The following UBXN10 variants were observed in gnomAD, a reference collection of about 807,000 sequenced individuals.
UBXN10 encodes the protein UBX domain-containing protein 10.
UBXN10 carries 6 observed loss-of-function variants against 6.9 expected under a neutral mutation model. The observed-to-expected ratio is 0.87, with a 90% CI of 0.48 to 1.72. UBXN10 has a LOEUF of 1.72. UBXN10 is among the 40% of genes most tolerant of loss of function. UBXN10 has a pLI of 0.01. For missense variants in UBXN10, 317 were observed against 348.4 expected, an observed-to-expected ratio of 0.91 and a Z score of 0.72; for synonymous variants, 131 against 135.2, an observed-to-expected ratio of 0.97 and a Z score of 0.21.
chr1:20,190,423 TG>T, intron 1 of UBXN10, 123 bp from the exon 2 acceptor site: 1 of 1,238,262 alleles, frequency 8.1e-7, no homozygotes, highest in Non-Finnish European at 1.1e-6. Context: ...AAATTGCAGC[TG>T]GTGCCCCTTA....
In UBXN10 at chr1:20,195,193, A is replaced by C. The variant is rs1031344134; in HGVS notation, c.*3789A>C. On this transcript the variant is annotated 3_prime_UTR_variant, in exon 2 of 2. Transcript: ENST00000375099. Reference sequence around the variant, plus strand: ...CATCTGTGTGCCTTTATGTTCAAACAGTTTAGGAAGCAGCAGCCCTCCTAA... The same window carrying C: ...CATCTGTGTGCCTTTATGTTCAAACCGTTTAGGAAGCAGCAGCCCTCCTAA... 1 of 167,244 alleles carries C rather than the reference A, an allele frequency of 6.0e-6. No homozygotes were observed. The allele number at this position is 167,244 out of a possible 1,614,324, so 10.4% of individuals were successfully genotyped here. A position where few individuals can be genotyped will look rare whatever the true frequency, so the allele number is the denominator to read the frequency against.
chr1:20,184,626 T>C (rs898954680), upstream of UBXN10: 2 of 152,144 alleles, frequency 1.3e-5, no homozygotes, highest in African/African-American at 4.8e-5. Context: ...GCAATTCACC[T>C]TGGAGAGAAT....
intron 1 of UBXN10, 69 bp from the exon 2 acceptor site, chr1:20,190,478 G>C: frequency 6.6e-7 from 1 of 1,509,980 alleles, no homozygotes. Flanking sequence ...CTCAGGGAGG[G>C]AATGGCTTGG....
rs2100741159 is a variant in UBXN10 at position 20,195,396 on chromosome 1, T to TG, written c.*3994dup. ...CGTGTTGAGGGGCTGGGGTGGAAGATGGAAGACTTGAGTGCTGGAGGTATG... is the reference window on the plus strand; with the variant it reads ...CGTGTTGAGGGGCTGGGGTGGAAGATGGGAAGACTTGAGTGCTGGAGGTATG... On this transcript the variant is annotated 3_prime_UTR_variant, in exon 2 of 2. Transcript: ENST00000375099. 6.0e-6 allele frequency: 1 copy of TG among 167,652 alleles called. No homozygotes were observed. Among genetic ancestry groups the TG allele is most frequent in the Admixed American group, 6.5e-5 (1 of 15,310 alleles). The allele number at this position is 167,652 out of a possible 1,614,324, so 10.4% of individuals were successfully genotyped here. A position where few individuals can be genotyped will look rare whatever the true frequency, so the allele number is the denominator to read the frequency against.
upstream of UBXN10, among the ~76,000 whole-genome samples, chr1:20,183,376 G>A (rs1006669543): frequency 7.2e-5 from 11 of 152,234 alleles, no homozygotes; most frequent in East Asian, 1.9e-4. Flanking sequence ...TAAGGGCCAT[G>A]GGGGAACACG....
In UBXN10 at chr1:20,192,192, T is replaced by A. The variant is rs1238096535; in HGVS notation, c.*788T>A. On this transcript the variant is annotated 3_prime_UTR_variant, in exon 2 of 2. Transcript: ENST00000375099. ...AGTGCAGTCTGATTTCTTTTGCTTT[T>A]GTCAGTAATGGAATCTTTTGTTTTT... 1 of 167,126 alleles carries A rather than the reference T, an allele frequency of 6.0e-6. No individual in the cohort carries two copies. The highest frequency in any genetic ancestry group is 1.5e-5 in the Non-Finnish European group (1 of 68,128). The allele number at this position is 167,126 out of a possible 1,614,324, so 10.4% of individuals were successfully genotyped here.
rs1432438958 is a variant in UBXN10, at chr1:20,195,633, C to T, written c.*4229C>T. The T allele has an allele frequency of 1.2e-5, 2 of 167,076 alleles. No individual in the cohort carries two copies. The highest frequency in any genetic ancestry group is 2.4e-5 in the African/African-American group (1 of 41,448). The allele number at this position is 167,076 out of a possible 1,614,324, so 10.3% of individuals were successfully genotyped here. ...AAAACAAACAAGCAAACAACCACCA[C>T]GGCAGCAAAGCACATGGCAGGCAGG... On this transcript the variant is annotated 3_prime_UTR_variant, in exon 2 of 2. Coordinates refer to ENST00000375099, the MANE Select transcript of UBXN10 (RefSeq NM_152376.5).
rs757626931 is a variant in UBXN10, at chr1:20,191,394, G to A, written c.833G>A (p.Gly278Glu). 3.1e-6 allele frequency: 5 copies of A among 1,608,878 alleles called. No individual in the cohort carries two copies. The highest frequency in any genetic ancestry group is 4.3e-6 in the Non-Finnish European group (5 of 1,175,854). The change falls in exon 2 of 2, where the codon GGG (glycine) becomes GAG (glutamate). Residue 278 changes from glycine (G) to glutamate (E), a missense_variant. By Grantham distance (98) the Gly-to-Glu change is moderately conservative. Transcript: ENST00000375099. This position sits in a 1 kb window ranked among gnomAD's most constrained non-coding sequence, Gnocchi z 4.5. ...GGCATCTCACTGGAAGATGGGGAAG[G>A]GTGGCCCTGAGTCCACAGCCACCCA... is the stretch of plus-strand genomic sequence containing the variant. ...VLGISLEDGE[G>E]WP
upstream of UBXN10, among the ~76,000 whole-genome samples, chr1:20,185,180 C>T (rs374737020): frequency 1.3e-5 from 2 of 152,182 alleles, no homozygotes; most frequent in South Asian, 2.1e-4. Context: ...AGAGAGAACC[C>T]AGTGGTCGGT....
At chr1:20,184,198 C>CACACACACAG (rs34146558), upstream of UBXN10, 4 of 11,228 alleles carry the variant, frequency 3.6e-4, no homozygotes, top group African/African-American at 4.3e-3. Flanking sequence ...TGCGCACACG[C>CACACACACAG]ACACACACAC....
rs374353541 is a variant in UBXN10 at position 20,190,518 on chromosome 1, G to A, written c.-15-29G>A. 94 of 1,571,304 alleles carry A rather than the reference G, an allele frequency of 6.0e-5. 1 individual carries two copies. The highest frequency in any genetic ancestry group is 3.0e-4 in the Admixed American group (17 of 56,372). ...AGGAGTCCCAGGAAGTTTAACCCAC[G>A]GACTCCTGTTTTTTTCCTGCTTCCT... On this transcript the variant is annotated intron_variant, in intron 1 of 1. Coordinates refer to ENST00000375099, the MANE Select transcript of UBXN10 (RefSeq NM_152376.5).
At chr1:20,186,689 G>T (rs1417976522) in intron 1 of UBXN10, among the ~76,000 whole-genome samples, 1 of 152,088 alleles carries the variant, frequency 6.6e-6, no homozygotes, top group Non-Finnish European at 1.5e-5. Context: ...CCCTTCTGAC[G>T]CTGGAATCAT....
intron 1 of UBXN10, among the ~76,000 whole-genome samples, chr1:20,188,882 C>T (rs756829352): frequency 8.5e-5 from 13 of 152,234 alleles, no homozygotes; most frequent in Non-Finnish European, 1.6e-4. Flanking sequence ...ACAGACAACC[C>T]GAAGCAAACA....
At position 20,191,662 on chromosome 1, in the gene UBXN10, A is replaced by G. The variant is rs2018504939; in HGVS notation, c.*258A>G. On this transcript the variant is annotated 3_prime_UTR_variant, in exon 2 of 2. Coordinates refer to ENST00000375099, the MANE Select transcript of UBXN10 (RefSeq NM_152376.5). The surrounding 1 kb of genome is among the most constrained non-coding windows in gnomAD (Gnocchi z 4.5). ...GCAAGTTACCAAGGTTGTTCCTGAA[A>G]CAGCAGTGATCATGACTTCTCCTTT... 2.1e-6 allele frequency: 1 copy of G among 465,772 alleles called. No individual in the cohort carries two copies. The highest frequency in any genetic ancestry group is 3.8e-5 in the South Asian group (1 of 26,006). The allele number at this position is 465,772 out of a possible 1,614,324, so 28.9% of individuals were successfully genotyped here. A position where few individuals can be genotyped will look rare whatever the true frequency, so the allele number is the denominator to read the frequency against.
At position 20,190,780 on chromosome 1, in the gene UBXN10, G is replaced by A. The variant is rs1478834635; in HGVS notation, c.219G>A (p.Glu73=). The change falls in exon 2 of 2, where the codon GAG becomes GAA. Residue 73 remains glutamate, a synonymous_variant. Coordinates refer to ENST00000375099, the MANE Select transcript of UBXN10 (RefSeq NM_152376.5). ...CTCCGCCTCCAGCCATTCCCTATGA[G>A]TTGCCAAGCAGCCAAAAACCAGGAG... is the stretch of plus-strand genomic sequence containing the variant. The part of the protein sequence containing the change: ...IPSPPPAIPY[E]LPSSQKPGAC... 1 of 1,614,002 alleles carries A rather than the reference G, an allele frequency of 6.2e-7. No individual in the cohort carries two copies.
At position 20,195,859 on chromosome 1, in the gene UBXN10, T is replaced by C. The variant is rs576241139; in HGVS notation, c.*4455T>C. On this transcript the variant is annotated 3_prime_UTR_variant, in exon 2 of 2. Transcript: ENST00000375099. ...TGATATGACTGCTGACCAAGGTTAC[T>C]TAATAAGAAATCCTTGTTCTAGTTA... 6.0e-6 allele frequency: 1 copy of C among 167,230 alleles called. No individual in the cohort carries two copies. Among genetic ancestry groups the C allele is most frequent in the East Asian group, 1.9e-4 (1 of 5,178 alleles). 10.4% of individuals were successfully genotyped at this position (167,230 alleles called of 1,614,324 possible).
chr1:20,190,133 G>A (rs1466739193), intron 1 of UBXN10, among the ~76,000 whole-genome samples: 1 of 152,170 alleles, frequency 6.6e-6, no homozygotes, highest in Non-Finnish European at 1.5e-5. Context: ...TCAAATTTCA[G>A]AGTCCAAAAA....
intron 1 of UBXN10, among the ~76,000 whole-genome samples, chr1:20,189,621 G>A (rs887968712): frequency 2.0e-5 from 3 of 152,152 alleles, no homozygotes; most frequent in Non-Finnish European, 4.4e-5. Context: ...TGAACAGCTC[G>A]GGAGGCTGAG....
At position 20,187,498 on chromosome 1, in the gene UBXN10, C is replaced by T. The variant is rs2018419657; in HGVS notation, c.-16+1345C>T. Among the ~76,000 whole-genome samples the T allele has an allele frequency of 7.4e-6, 1 of 135,766 alleles. No individual in the cohort carries two copies. The highest frequency in any genetic ancestry group is 1.5e-5 in the Non-Finnish European group (1 of 64,830). The allele number at this position is 135,766 out of a possible 152,430, so 89.1% of individuals were successfully genotyped here. The stretch of plus-strand genomic sequence containing the variant: ...GGCCCAGATCCCCAAACACCTGTTT[C>T]CCCCACCGCCCATCCCTGTGTGATG... On this transcript the variant is annotated intron_variant, in intron 1 of 1. Coordinates refer to ENST00000375099, the MANE Select transcript of UBXN10 (RefSeq NM_152376.5). The surrounding 1 kb of genome is among the most constrained non-coding windows in gnomAD (Gnocchi z 4.6).
Sources: allele counts gnomAD v4.1 joint callset (sites outside exome capture counted in the v4.1 genomes callset), GRCh38; gene constraint gnomAD v4.1.1; non-coding constraint Gnocchi (gnomAD v3.1); transcripts MANE v1.5; gene names NCBI Gene and HGNC (gene_info 2026-07-23, HGNC 2026-07-21).